The following HGD variants were observed in gnomAD, a reference collection of about 807,000 sequenced individuals.
The protein encoded by HGD is homogentisate oxidase.
Under a neutral mutation model 60.8 loss-of-function variants are expected in HGD, and 61 were observed. The ratio of observed to expected loss-of-function variants is 1.00; its 90% CI spans 0.82 to 1.24. The LOEUF (loss-of-function observed/expected upper bound fraction) is 1.24. HGD is among the 50% of genes most tolerant of loss of function. The pLI, the probability that HGD is intolerant of heterozygous loss-of-function variation, is 0.00. For missense variants in HGD, 542 were observed against 547.1 expected (o/e 0.99, Z 0.09); for synonymous variants, 212 against 187.7 (o/e 1.13, Z -1.06).
chr3:120,659,882 T>A (rs979886107), intron 4 of HGD, among the ~76,000 whole-genome samples: 2 of 147,750 alleles, frequency 1.4e-5, no homozygotes, highest in Non-Finnish European at 3.0e-5. Flanking sequence ...TTTTCAATCA[T>A]GGCAGAAGGC....
chr3:120,667,290 T>A (rs1707919404), intron 4 of HGD, among the ~76,000 whole-genome samples: 1 of 130,830 alleles, frequency 7.6e-6, no homozygotes, highest in Non-Finnish European at 1.5e-5. Context: ...CACACCACTG[T>A]ACTCCCGCCT....
rs767671481 is a variant in HGD, at chr3:120,632,448, A to G, written c.1188+699T>C. Among the ~76,000 whole-genome samples the G allele has an allele frequency of 5.3e-5, 8 of 152,350 alleles. No homozygotes were observed. The South Asian group carries it at 8.3e-4, about 16-fold the overall frequency. ...CCAGCTGCAATTGTGTTCAGCCTCAATGTTTACAGCCTGACACAGGAAGAA... is the reference window on the plus strand; with the variant it reads ...CCAGCTGCAATTGTGTTCAGCCTCAGTGTTTACAGCCTGACACAGGAAGAA... On this transcript the variant is annotated intron_variant, in intron 13 of 13. Transcript: ENST00000283871.
intron 4 of HGD, among the ~76,000 whole-genome samples, chr3:120,660,637 C>T (rs1310494163): frequency 1.3e-5 from 2 of 152,224 alleles, no homozygotes; most frequent in Non-Finnish European, 2.9e-5. Context: ...CCAGCCTGGC[C>T]AACATGGTGA....
rs566240575 is a variant in HGD at position 120,656,763 on chromosome 3, G to A, written c.283-4112C>T. Among the ~76,000 whole-genome samples the A allele has an allele frequency of 2.0e-3, 302 of 152,202 alleles. 2 individuals carry two copies. The highest frequency in any genetic ancestry group is 7.0e-3 in the African/African-American group (290 of 41,510). On this transcript the variant is annotated intron_variant, in intron 4 of 13. Transcript: ENST00000283871. Reference sequence around the variant, plus strand: ...GATGAGGTTTCACCATGTTGGCCAGGCTGGTCTCGAACTTCTGACCTCAGG... The same window carrying A: ...GATGAGGTTTCACCATGTTGGCCAGACTGGTCTCGAACTTCTGACCTCAGG...
At chr3:120,666,304 T>C (rs1033952994) in intron 4 of HGD, among the ~76,000 whole-genome samples, 5 of 152,022 alleles carry the variant, frequency 3.3e-5, no homozygotes, top group African/African-American at 1.2e-4. Flanking sequence ...GTGGCTACCA[T>C]ATAGAAAGTG....
chr3:120,649,139 C>CTTTTTTTTTTTTT (rs10572267), intron 6 of HGD, among the ~76,000 whole-genome samples: 7 of 94,418 alleles, frequency 7.4e-5, no homozygotes, highest in African/African-American at 1.1e-4. Context: ...TCTTCTTTTT[C>CTTTTTTTTTTTTT]TTTTTTTTTT....
At chr3:120,672,203 T>C (rs1355171267) in intron 3 of HGD, among the ~76,000 whole-genome samples, 2 of 152,326 alleles carry the variant, frequency 1.3e-5, no homozygotes, top group Non-Finnish European at 1.5e-5. Flanking sequence ...TGTATGTCCA[T>C]GTTTTATTGT....
chr3:120,680,155 A>C (rs1246984812), intron 1 of HGD, among the ~76,000 whole-genome samples: 1 of 152,196 alleles, frequency 6.6e-6, no homozygotes, highest in Non-Finnish European at 1.5e-5. Context: ...TACATAGGGT[A>C]TTTCATTTTA....
chr3:120,653,668 G>A (rs376136645), intron 4 of HGD, among the ~76,000 whole-genome samples: 7 of 152,344 alleles, frequency 4.6e-5, no homozygotes, highest in East Asian at 3.9e-4. Flanking sequence ...TAAAAAGGAT[G>A]TAAAATGTTG....
chr3:120,643,176 T>A (rs1217274183), intron 10 of HGD, among the ~76,000 whole-genome samples: 1 of 152,192 alleles, frequency 6.6e-6, no homozygotes, highest in South Asian at 2.1e-4. Context: ...CGGGCTGGAG[T>A]GCAATGGCAT....
At chr3:120,633,539 G>A (rs1366646500) in intron 12 of HGD, 1 of 1,490,108 alleles carries the variant, frequency 6.7e-7, no homozygotes, top group Admixed American at 2.0e-5. Context: ...CCATGGCCAT[G>A]TGGATTATCA....
Position 120,646,971 on chromosome 3 carries a change from A to G in HGD, c.549+2T>C. On this transcript the variant is annotated splice_donor_variant, in intron 8 of 13. Coordinates refer to ENST00000283871, the MANE Select transcript of HGD (RefSeq NM_000187.4). LOFTEE classifies it high-confidence loss of function. ...GGGAAGAGAAGGGGACACATCACCA[A>G]CCTGAATGACGCAGATCTCATTGGG... The G allele has an allele frequency of 6.2e-7, 1 of 1,612,406 alleles. No individual in the cohort carries two copies.
At chr3:120,659,514 G>C (rs551037154) in intron 4 of HGD, among the ~76,000 whole-genome samples, 34 of 152,254 alleles carry the variant, frequency 2.2e-4, no homozygotes, top group African/African-American at 8.2e-4. Flanking sequence ...ATTTTCATTT[G>C]AGATCTCCTC....
At chr3:120,641,906 A>T in intron 10 of HGD, 1 of 571,340 alleles carries the variant, frequency 1.8e-6, no homozygotes. Flanking sequence ...TTTCTGGTTC[A>T]TAAGCTGCAG....
At chr3:120,649,182 G>T (rs1328310046) in intron 6 of HGD, among the ~76,000 whole-genome samples, 2 of 118,860 alleles carry the variant, frequency 1.7e-5, no homozygotes, top group Non-Finnish European at 3.3e-5. Context: ...TCACACGGTT[G>T]TCCGGGCTGG....
At chr3:120,679,720 G>C (rs1708199087) in intron 1 of HGD, among the ~76,000 whole-genome samples, 1 of 152,172 alleles carries the variant, frequency 6.6e-6, no homozygotes, top group Non-Finnish European at 1.5e-5. Context: ...GATCGAGGAA[G>C]AGGCTACAAA....
Position 120,675,147 on chromosome 3 carries a change from C to T in HGD, c.88-158G>A, listed in dbSNP as rs187610642. Among the ~76,000 whole-genome samples the T allele has an allele frequency of 1.6e-3, 238 of 152,126 alleles. 1 individual carries two copies. The highest frequency in any genetic ancestry group is 5.2e-3 in the African/African-American group (217 of 41,510). On this transcript the variant is annotated intron_variant, in intron 2 of 13. Transcript: ENST00000283871. ...TTGTAACAACTTTTGATGTGACTTG[C>T]CCCCCGATTATAAAAGTAATATATA...
At chr3:120,630,796 C>T (rs1940559368) in intron 13 of HGD, among the ~76,000 whole-genome samples, 1 of 34,854 alleles carries the variant, frequency 2.9e-5, no homozygotes, top group Non-Finnish European at 4.4e-5. Flanking sequence ...AACTTAAGAG[C>T]TTTATATATA....
At position 120,633,282 on chromosome 3, in the gene HGD, C is replaced by T. The variant is rs1169462436; in HGVS notation, c.1053G>A (p.Glu351=). 6.2e-7 allele frequency: 1 copy of T among 1,614,140 alleles called. No homozygotes were observed. The highest frequency in any genetic ancestry group is 1.3e-5 in the African/African-American group (1 of 75,030). Residue 351 remains glutamate, a synonymous_variant, in exon 13 of 14, where the codon GAG becomes GAA. Coordinates refer to ENST00000283871, the MANE Select transcript of HGD (RefSeq NM_000187.4). ...EFMGLIRGHY[E]AKQGGFLPGG... is the part of the protein sequence containing the mutation. ...CTGGCAGGAACCCACCTTGCTTTGC[C>T]TCATAGTGACCTCGGATGAGTCCCA...
Sources: gnomAD v4.1 joint callset for allele counts (sites outside exome capture counted in the v4.1 genomes callset) on GRCh38, gnomAD v4.1.1 for gene constraint, MANE v1.5 for transcripts, NCBI Gene and HGNC (gene_info 2026-07-23, HGNC 2026-07-21) for gene names.